EYS: variants seen among roughly 807,000 people sequenced by gnomAD.
EYS encodes protein eyes shut homolog.
EYS carries 250 observed loss-of-function variants against 282.1 expected under a neutral mutation model. The ratio of observed to expected loss-of-function variants is 0.89; its 90% CI spans 0.80 to 0.98. The LOEUF (loss-of-function observed/expected upper bound fraction) is 0.98, where lower values mean the gene tolerates loss of function less well. EYS is among the 50% of genes least tolerant of loss of function. EYS has a pLI of 0.00. For synonymous variants in EYS, 1,355 were observed against 1,282.9 expected (o/e 1.06, Z -1.20); for missense variants, 4,016 against 3,709.0 (o/e 1.08, Z -2.15).
intron 41 of EYS, among the ~76,000 whole-genome samples, chr6:63,748,467 C>A (rs1769264060): frequency 6.6e-6 from 1 of 152,052 alleles, no homozygotes; most frequent in Non-Finnish European, 1.5e-5. Flanking sequence ...TGTATCTCTG[C>A]CAGATTTTGG....
chr6:65,268,080 A>G (rs1231683030), intron 12 of EYS, among the ~76,000 whole-genome samples: 1 of 152,042 alleles, frequency 6.6e-6, no homozygotes, highest in East Asian at 1.9e-4. Flanking sequence ...CATATTCACA[A>G]TGTAAAAATG....
At chr6:65,211,935 G>A (rs116004571) in intron 12 of EYS, among the ~76,000 whole-genome samples, 1,636 of 151,890 alleles carry the variant, frequency 0.011, 32 homozygotes, top group African/African-American at 0.038. Flanking sequence ...TTTTGGGTGA[G>A]GTAAAGGCAT....
chr6:64,311,827 G>A (rs73446975), intron 29 of EYS, among the ~76,000 whole-genome samples: 20 of 152,108 alleles, frequency 1.3e-4, no homozygotes, highest in African/African-American at 4.8e-4. Context: ...CGGGAGGAAC[G>A]GTGCACTCTG....
intron 40 of EYS, among the ~76,000 whole-genome samples, chr6:63,767,382 A>C (rs1288395047): frequency 6.6e-6 from 1 of 152,090 alleles, no homozygotes; most frequent in Non-Finnish European, 1.5e-5. Context: ...CTTCAGTAAA[A>C]TTTCAGAATA....
At chr6:64,876,398 C>T (rs138855160) in intron 19 of EYS, among the ~76,000 whole-genome samples, 1 of 152,142 alleles carries the variant, frequency 6.6e-6, no homozygotes, top group African/African-American at 2.4e-5. Context: ...TAAGCAGTTA[C>T]ATGTGTTAAC....
chr6:65,658,571 T>C (rs1034825219), intron 1 of EYS, among the ~76,000 whole-genome samples: 6 of 151,738 alleles, frequency 4.0e-5, no homozygotes, highest in African/African-American at 1.4e-4. Flanking sequence ...ATGACTAACA[T>C]GATTGTATTT....
At chr6:65,145,227 A>G (rs1051291666) in intron 12 of EYS, among the ~76,000 whole-genome samples, 2 of 152,120 alleles carry the variant, frequency 1.3e-5, no homozygotes, top group Non-Finnish European at 2.9e-5. Flanking sequence ...TTTATTTGAT[A>G]TTAATATTTA....
intron 31 of EYS, among the ~76,000 whole-genome samples, chr6:64,092,849 A>G (rs1276236028): frequency 1.3e-5 from 2 of 151,764 alleles, no homozygotes; most frequent in South Asian, 4.2e-4. Flanking sequence ...CCTGAATGGT[A>G]TTGCCTAGGT....
chr6:64,887,339 G>A (rs1023845090), intron 18 of EYS, among the ~76,000 whole-genome samples: 13 of 151,700 alleles, frequency 8.6e-5, no homozygotes, highest in African/African-American at 3.1e-4. Flanking sequence ...TAAATGATGA[G>A]TTGATGGGTG....
intron 2 of EYS, among the ~76,000 whole-genome samples, chr6:65,563,890 A>G (rs1769162004): frequency 6.6e-6 from 1 of 152,160 alleles, no homozygotes; most frequent in Non-Finnish European, 1.5e-5. Flanking sequence ...CCATCGTCTC[A>G]GCCCAAAATC....
intron 8 of EYS, among the ~76,000 whole-genome samples, chr6:65,375,752 G>T (rs1477426420): frequency 6.6e-6 from 1 of 151,912 alleles, no homozygotes; most frequent in Non-Finnish European, 1.5e-5. Flanking sequence ...CAATAGCTGA[G>T]TTGCTCAAGC....
At chr6:65,484,863 T>C (rs931915021) in intron 5 of EYS, among the ~76,000 whole-genome samples, 2 of 152,202 alleles carry the variant, frequency 1.3e-5, no homozygotes, top group African/African-American at 4.8e-5. Context: ...CCACCTATTT[T>C]TGTAAACAAA....
chr6:65,179,951 A>C (rs1765330860), intron 12 of EYS, among the ~76,000 whole-genome samples: 1 of 152,164 alleles, frequency 6.6e-6, no homozygotes, highest in Admixed American at 6.5e-5. Context: ...ACCAAAGACA[A>C]AAACCGTATG....
intron 6 of EYS, among the ~76,000 whole-genome samples, chr6:65,404,968 C>A (rs1320429130): frequency 6.6e-6 from 1 of 151,682 alleles, no homozygotes. Context: ...AATTTATATT[C>A]TTTTAAAAGG....
At chr6:64,059,620 A>G (rs1228661678) in intron 33 of EYS, among the ~76,000 whole-genome samples, 1 of 152,198 alleles carries the variant, frequency 6.6e-6, no homozygotes, top group Admixed American at 6.5e-5. Flanking sequence ...ATAGTAGAAC[A>G]TTCTATCCAA....
At chr6:64,423,452 G>A (rs1189804640) in intron 28 of EYS, among the ~76,000 whole-genome samples, 1 of 152,140 alleles carries the variant, frequency 6.6e-6, no homozygotes, top group African/African-American at 2.4e-5. Flanking sequence ...TCTAATTACT[G>A]ACAGACATGT....
intron 22 of EYS, among the ~76,000 whole-genome samples, chr6:64,640,425 A>G (rs1768093719): frequency 6.6e-6 from 1 of 152,250 alleles, no homozygotes; most frequent in Non-Finnish European, 1.5e-5. Context: ...TTGTAGAGAC[A>G]TGGATGAAAT....
intron 2 of EYS, among the ~76,000 whole-genome samples, chr6:65,532,701 A>G (rs1389419038): frequency 6.6e-6 from 1 of 152,176 alleles, no homozygotes; most frequent in Non-Finnish European, 1.5e-5. Flanking sequence ...CAAATAACAG[A>G]GATTAGAAAT....
At chr6:64,246,972 T>C (rs1269497948) in intron 30 of EYS, among the ~76,000 whole-genome samples, 3 of 152,174 alleles carry the variant, frequency 2.0e-5, no homozygotes, top group African/African-American at 7.2e-5. Flanking sequence ...GATTTGGAAG[T>C]CATTGAAGTT....
Sources: allele counts gnomAD v4.1 joint callset (sites outside exome capture counted in the v4.1 genomes callset), GRCh38; gene constraint gnomAD v4.1.1; transcripts MANE v1.5; gene names NCBI Gene and HGNC (gene_info 2026-07-23, HGNC 2026-07-21).